ST6GALNAC5: variants seen among roughly 807,000 people sequenced by gnomAD.
ST6GALNAC5 encodes the protein alpha-N-acetylgalactosaminide alpha-2,6-sialyltransferase 5.
ST6GALNAC5 carries 27 observed loss-of-function variants against 33.6 expected under a neutral mutation model. The ratio of observed to expected loss-of-function variants is 0.80; its 90% CI spans 0.59 to 1.11. The LOEUF (loss-of-function observed/expected upper bound fraction) is 1.11, where lower values mean the gene tolerates loss of function less well. Among genes scored for constraint, ST6GALNAC5 ranks in the 50% least tolerant of loss-of-function variants. ST6GALNAC5 has a pLI of 0.00. For synonymous variants in ST6GALNAC5, 194 were observed against 171.2 expected, an observed-to-expected ratio of 1.13 and a Z score of -1.04; for missense variants, 428 against 454.0, an observed-to-expected ratio of 0.94 and a Z score of 0.52.
At chr1:76,989,402 A>G (rs1649635423) in intron 2 of ST6GALNAC5, among the ~76,000 whole-genome samples, 1 of 151,566 alleles carries the variant, frequency 6.6e-6, no homozygotes, top group South Asian at 2.1e-4. Context: ...ATCATCTTTC[A>G]TCCAGGTGAT....
intron 2 of ST6GALNAC5, among the ~76,000 whole-genome samples, chr1:76,977,441 C>G (rs1204257381): frequency 6.6e-6 from 1 of 152,010 alleles, no homozygotes; most frequent in East Asian, 1.9e-4. Context: ...AACTTTGTAC[C>G]CACTGACCAA....
chr1:76,895,200 C>A (rs1249310257), intron 2 of ST6GALNAC5, among the ~76,000 whole-genome samples: 1 of 152,038 alleles, frequency 6.6e-6, no homozygotes, highest in Non-Finnish European at 1.5e-5. Flanking sequence ...GATGGCTTAG[C>A]TTGGGCTCAG....
At chr1:76,909,743 T>C (rs1164225060) in intron 2 of ST6GALNAC5, among the ~76,000 whole-genome samples, 1 of 152,116 alleles carries the variant, frequency 6.6e-6, no homozygotes, top group Non-Finnish European at 1.5e-5. Flanking sequence ...ATTTGTCTTA[T>C]GAATATTTAC....
chr1:76,981,766 C>T (rs1299556820), intron 2 of ST6GALNAC5, among the ~76,000 whole-genome samples: 1 of 152,138 alleles, frequency 6.6e-6, no homozygotes, highest in Admixed American at 6.5e-5. Flanking sequence ...TAGGTGGCTG[C>T]CCTTCTGGGA....
At chr1:76,919,219 G>A (rs1032677430) in intron 2 of ST6GALNAC5, among the ~76,000 whole-genome samples, 13 of 152,066 alleles carry the variant, frequency 8.5e-5, no homozygotes, top group African/African-American at 2.7e-4. Context: ...CCTCAGTAAC[G>A]TGAGGATTGA....
intron 2 of ST6GALNAC5, among the ~76,000 whole-genome samples, chr1:76,945,811 A>G (rs529506988): frequency 6.6e-6 from 1 of 152,264 alleles, no homozygotes; most frequent in South Asian, 2.1e-4. Flanking sequence ...GAAGTCATGC[A>G]TTCTCTCCCA....
chr1:76,918,942 T>C (rs1465103635), intron 2 of ST6GALNAC5, among the ~76,000 whole-genome samples: 1 of 152,176 alleles, frequency 6.6e-6, no homozygotes, highest in African/African-American at 2.4e-5. Flanking sequence ...TAGCACATCA[T>C]TAAGATACTG....
chr1:77,001,470 T>A (rs1274405202), intron 2 of ST6GALNAC5, among the ~76,000 whole-genome samples: 1 of 130,554 alleles, frequency 7.7e-6, no homozygotes, highest in Non-Finnish European at 1.6e-5. Context: ...TTTTCCTAAT[T>A]GAATACCCTT....
chr1:77,025,260 C>G (rs940843560), intron 2 of ST6GALNAC5, among the ~76,000 whole-genome samples: 2 of 152,122 alleles, frequency 1.3e-5, no homozygotes, highest in Admixed American at 1.3e-4. Context: ...TCATGGAGCC[C>G]GTGTGCTCAC....
chr1:77,024,920 C>T (rs1166671826), intron 2 of ST6GALNAC5, among the ~76,000 whole-genome samples: 1 of 152,192 alleles, frequency 6.6e-6, no homozygotes, highest in Non-Finnish European at 1.5e-5. Flanking sequence ...CTTCCTTAGT[C>T]AGCCCCTCAC....
chr1:76,959,423 T>C (rs931035149), intron 2 of ST6GALNAC5, among the ~76,000 whole-genome samples: 4 of 152,246 alleles, frequency 2.6e-5, no homozygotes, highest in Non-Finnish European at 1.5e-5. Flanking sequence ...TATTCTTTGC[T>C]TTGGCTTGTT....
At chr1:76,879,102 A>G (rs1653718052) in intron 2 of ST6GALNAC5, among the ~76,000 whole-genome samples, 1 of 152,116 alleles carries the variant, frequency 6.6e-6, no homozygotes, top group East Asian at 1.9e-4. Flanking sequence ...TCATAAATCT[A>G]TTTCACAAGG....
chr1:76,895,680 A>C (rs920307541), intron 2 of ST6GALNAC5, among the ~76,000 whole-genome samples: 3 of 152,332 alleles, frequency 2.0e-5, no homozygotes, highest in African/African-American at 7.2e-5. Flanking sequence ...ATCAGCTGTG[A>C]TGGCTTGGAG....
chr1:76,892,150 C>T (rs1654026989), intron 2 of ST6GALNAC5, among the ~76,000 whole-genome samples: 1 of 152,216 alleles, frequency 6.6e-6, no homozygotes, highest in Non-Finnish European at 1.5e-5. Flanking sequence ...TCAGAGCTCA[C>T]ACTTGCAGGA....
intron 2 of ST6GALNAC5, among the ~76,000 whole-genome samples, chr1:76,960,468 G>A (rs924009794): frequency 6.6e-6 from 1 of 152,098 alleles, no homozygotes; most frequent in Admixed American, 6.6e-5. Flanking sequence ...ATGAAGTTTT[G>A]GGCACGCATT....
At chr1:76,979,459 C>T (rs1649160792) in intron 2 of ST6GALNAC5, among the ~76,000 whole-genome samples, 2 of 151,982 alleles carry the variant, frequency 1.3e-5, no homozygotes, top group East Asian at 1.9e-4. Context: ...AATAGAGAAC[C>T]CAGAAATAAA....
In ST6GALNAC5 at chr1:77,057,018, C is replaced by T. The variant is rs551116184; in HGVS notation, c.780-5957C>T. Among the ~76,000 whole-genome samples the T allele has an allele frequency of 3.9e-4, 59 of 152,322 alleles. No homozygotes were observed. In the South Asian group the frequency reaches 0.012, roughly 31 times the overall value. On this transcript the variant is annotated intron_variant, in intron 4 of 4. Transcript: ENST00000477717. ...TTCTTCTCAATGCCTCATAGTGTCA[C>T]CAAGCCCCCAGAGCAAGCCAATTGC...
In ST6GALNAC5 at chr1:77,063,047, C is replaced by T. The variant is rs1196326357; in HGVS notation, c.852C>T (p.Leu284=). The change falls in exon 5 of 5, where the codon CTC becomes CTT. Residue 284 remains leucine (L), a synonymous_variant. Coordinates refer to ENST00000477717, the MANE Select transcript of ST6GALNAC5 (RefSeq NM_030965.3). The part of the protein sequence containing the change: ...PFGPDECTMY[L]SHERGRKGSH... ...GACCTGATGAATGTACAATGTACCTCTCCCATGAGCGAGGACGCAAGGGCA... is the reference window on the plus strand; with the variant it reads ...GACCTGATGAATGTACAATGTACCTTTCCCATGAGCGAGGACGCAAGGGCA... 6.2e-7 allele frequency: 1 copy of T among 1,613,988 alleles called. No homozygotes were observed. The highest frequency in any genetic ancestry group is 8.5e-7 in the Non-Finnish European group (1 of 1,179,936).
chr1:76,909,347 T>TTC (rs1391271499), intron 2 of ST6GALNAC5, among the ~76,000 whole-genome samples: 1 of 152,028 alleles, frequency 6.6e-6, no homozygotes, highest in Admixed American at 6.6e-5. Flanking sequence ...AAGCCTCAGT[T>TTC]TCTACATCTG....
Sources: gnomAD v4.1 joint callset for allele counts (sites outside exome capture counted in the v4.1 genomes callset) on GRCh38, gnomAD v4.1.1 for gene constraint, MANE v1.5 for transcripts, NCBI Gene and HGNC (gene_info 2026-07-23, HGNC 2026-07-21) for gene names.